The following SIM2 variants were observed in gnomAD, a reference collection of about 807,000 sequenced individuals.
SIM2 encodes the protein single-minded homolog 2.
In SIM2, 28 loss-of-function variants were observed where a neutral mutation model predicts 64.8. That is an observed-to-expected ratio of 0.43 (90% CI 0.32 to 0.59). The LOEUF (loss-of-function observed/expected upper bound fraction) is 0.59. SIM2 is among the 20% of genes least tolerant of loss of function. The pLI is 0.07. For missense variants in SIM2, 847 were observed against 871.4 expected (o/e 0.97, Z 0.35); for synonymous variants, 408 against 391.1 (o/e 1.04, Z -0.51).
chr21:36,733,839 G>A (rs537824254), intron 7 of SIM2, among the ~76,000 whole-genome samples: 6 of 152,164 alleles, frequency 3.9e-5, no homozygotes, highest in Admixed American at 2.6e-4. Flanking sequence ...GGGATTACAG[G>A]CGTGAGCCAC....
chr21:36,737,817 C>T (rs117454683), intron 7 of SIM2, among the ~76,000 whole-genome samples: 1,711 of 151,682 alleles, frequency 0.011, 21 homozygotes, highest in Non-Finnish European at 0.014. Flanking sequence ...AAAACTTAGC[C>T]GGGCGTGGTG....
rs1184904764 is a variant in SIM2, at chr21:36,748,332, C to A, written c.*240C>A. ...CTGTCCTGCGAGGGCCGGTGCGACC[C>A]AGTTGCTGGGGGCTTGGTTTCCTCA... On this transcript the variant is annotated 3_prime_UTR_variant, in exon 11 of 11. Transcript: ENST00000290399. The A allele has an allele frequency of 3.0e-5, 6 of 202,942 alleles. No individual in the cohort carries two copies. The highest frequency in any genetic ancestry group is 1.4e-4 in the African/African-American group (6 of 42,900). 12.6% of individuals were successfully genotyped at this position (202,942 alleles called of 1,614,324 possible).
At chr21:36,724,000 T>A (rs189884655) in intron 5 of SIM2, among the ~76,000 whole-genome samples, 1 of 152,346 alleles carries the variant, frequency 6.6e-6, no homozygotes, top group Non-Finnish European at 1.5e-5. Flanking sequence ...AATATGAGGC[T>A]GAAAGCTGCC....
At chr21:36,737,981 AAGC>A (rs1232991681) in intron 7 of SIM2, among the ~76,000 whole-genome samples, 4 of 116,396 alleles carry the variant, frequency 3.4e-5, no homozygotes, top group Admixed American at 8.2e-5. Context: ...AAAAAAAAAA[AAGC>A]AAAAAAAAAG....
chr21:36,744,718 T>G lies in SIM2; in HGVS notation c.1168-10T>G. 6.3e-7 allele frequency: 1 copy of G among 1,581,360 alleles called. No individual in the cohort carries two copies. Among genetic ancestry groups the G allele is most frequent in the Non-Finnish European group, 8.6e-7 (1 of 1,162,734 alleles). ...TCGCTGGCCCTTCATCCATCTTCTT[T>G]GCCATGCAGCAATACAGCTCGTTCC... is the stretch of plus-strand genomic sequence containing the variant. On this transcript the variant is annotated splice_polypyrimidine_tract_variant and intron_variant, in intron 9 of 10. Coordinates refer to ENST00000290399, the MANE Select transcript of SIM2 (RefSeq NM_005069.6).
chr21:36,740,409 G>T (rs886376591), intron 7 of SIM2, among the ~76,000 whole-genome samples: 1 of 152,114 alleles, frequency 6.6e-6, no homozygotes, highest in Non-Finnish European at 1.5e-5. Flanking sequence ...CAAGGGAGTT[G>T]GGCATTTGTT....
intron 7 of SIM2, among the ~76,000 whole-genome samples, chr21:36,740,210 G>A (rs930173974): frequency 2.7e-5 from 4 of 150,282 alleles, no homozygotes; most frequent in African/African-American, 9.9e-5. Context: ...ATTCCAGAAC[G>A]TTTTCATCAT....
chr21:36,712,529 A>C lies in SIM2; in HGVS notation c.259-4A>C. The C allele has an allele frequency of 1.9e-6, 3 of 1,597,158 alleles. No homozygotes were observed. Among genetic ancestry groups the C allele is most frequent in the Non-Finnish European group, 2.6e-6 (3 of 1,164,866 alleles). On this transcript the variant is annotated splice_region_variant and splice_polypyrimidine_tract_variant and intron_variant, in intron 2 of 10. Coordinates refer to ENST00000290399, the MANE Select transcript of SIM2 (RefSeq NM_005069.6). ...CTCTTATTCTGACACTTTATCTTTTACAGACTTTGGATGGATTTGTTTTTG... is the reference window on the plus strand; with the variant it reads ...CTCTTATTCTGACACTTTATCTTTTCCAGACTTTGGATGGATTTGTTTTTG...
intron 1 of SIM2, among the ~76,000 whole-genome samples, chr21:36,705,332 A>G (rs1002441727): frequency 1.3e-5 from 2 of 152,184 alleles, no homozygotes; most frequent in African/African-American, 4.8e-5. Context: ...GTGGTTTGCA[A>G]TCCGAAAGTG....
chr21:36,744,000 G>A (rs977057742), intron 9 of SIM2, among the ~76,000 whole-genome samples: 2 of 152,230 alleles, frequency 1.3e-5, no homozygotes, highest in African/African-American at 4.8e-5. Context: ...TGTAATACCA[G>A]CACTTTGGGA....
intron 4 of SIM2, 155 bp downstream of exon 4, chr21:36,720,084 C>T (rs1601695595): frequency 1.5e-5 from 9 of 605,684 alleles, no homozygotes; most frequent in South Asian, 7.9e-5. Flanking sequence ...GCACCCACCA[C>T]GTGGGGATTT....
intron 3 of SIM2, among the ~76,000 whole-genome samples, chr21:36,715,111 G>T (rs1444088908): frequency 3.4e-4 from 51 of 152,178 alleles, no homozygotes. Flanking sequence ...GCGGGGCTGT[G>T]TTAGCATCAG....
At chr21:36,723,229 G>T (rs1026354456) in intron 5 of SIM2, 99 bp downstream of exon 5, 2 of 928,802 alleles carry the variant, frequency 2.2e-6, no homozygotes, top group Non-Finnish European at 3.5e-6. Flanking sequence ...GCACAAACTC[G>T]TCATCCCCAC....
At position 36,726,216 on chromosome 21, in the gene SIM2, G is replaced by C; in HGVS notation, c.641G>C (p.Gly214Ala). The change falls in exon 6 of 11, where the codon GGC becomes GCC. Residue 214 changes from glycine to alanine, a missense_variant. Physicochemically the swap from Gly to Ala is moderately conservative, Grantham distance 60. Transcript: ENST00000290399. This position sits in a 1 kb window ranked among gnomAD's most constrained non-coding sequence, Gnocchi z 4.5. The part of the protein sequence containing the change: ...CYQIVGLVAV[G>A]QSLPPSAITE... ...CAGATTGTGGGGCTGGTGGCCGTGG[G>C]CCAGTCGCTGCCACCCAGTGCCATC... 1 of 1,613,808 alleles carries C rather than the reference G, an allele frequency of 6.2e-7. No homozygotes were observed. The highest frequency in any genetic ancestry group is 8.5e-7 in the Non-Finnish European group (1 of 1,180,020).
chr21:36,725,314 AC>A (rs2088876057), intron 5 of SIM2, among the ~76,000 whole-genome samples: 1 of 152,120 alleles, frequency 6.6e-6, no homozygotes, highest in Non-Finnish European at 1.5e-5. Flanking sequence ...GCACTACTGC[AC>A]TCCAGCCTGA....
intron 7 of SIM2, among the ~76,000 whole-genome samples, chr21:36,740,424 A>G (rs561397856): frequency 6.6e-6 from 1 of 152,192 alleles, no homozygotes; most frequent in South Asian, 2.1e-4. Flanking sequence ...TTTGTTCATC[A>G]TTTTGCCCAT....
At chr21:36,722,135 T>C (rs1312577705) in intron 4 of SIM2, among the ~76,000 whole-genome samples, 5 of 152,154 alleles carry the variant, frequency 3.3e-5, no homozygotes, top group Non-Finnish European at 7.3e-5. Context: ...TGATGACCAG[T>C]TGATGTATTT....
At chr21:36,733,123 G>T (rs1322983965) in intron 7 of SIM2, among the ~76,000 whole-genome samples, 1 of 152,206 alleles carries the variant, frequency 6.6e-6, no homozygotes, top group Non-Finnish European at 1.5e-5. Flanking sequence ...GGAGTTTAAA[G>T]CATACCCCCG....
At chr21:36,730,639 A>G (rs2088953701) in intron 6 of SIM2, among the ~76,000 whole-genome samples, 2 of 152,164 alleles carry the variant, frequency 1.3e-5, no homozygotes, top group African/African-American at 4.8e-5. Flanking sequence ...TGTATATTTT[A>G]CCACAATTTA....
Sources: allele counts gnomAD v4.1 joint callset (sites outside exome capture counted in the v4.1 genomes callset), GRCh38; gene constraint gnomAD v4.1.1; non-coding constraint Gnocchi (gnomAD v3.1); transcripts MANE v1.5; gene names NCBI Gene and HGNC (gene_info 2026-07-23, HGNC 2026-07-21).